TAS1R1: variants seen among roughly 807,000 people sequenced by gnomAD.
TAS1R1 encodes taste receptor type 1 member 1.
TAS1R1 carries 31 observed loss-of-function variants against 45.8 expected under a neutral mutation model. The ratio of observed to expected loss-of-function variants is 0.68; its 90% CI spans 0.51 to 0.91. TAS1R1 has a LOEUF of 0.91. Among genes scored for constraint, TAS1R1 ranks in the 40% least tolerant of loss-of-function variants. The pLI is 0.00. For missense variants in TAS1R1, 1,051 were observed against 1,063.9 expected (o/e 0.99, Z 0.17); for synonymous variants, 437 against 448.4 (o/e 0.97, Z 0.32).
At chr1:6,578,580 C>A in intron 5 of TAS1R1, 73 bp from the exon 6 acceptor site, 3 of 1,511,606 alleles carry the variant, frequency 2.0e-6, no homozygotes, top group Non-Finnish European at 2.7e-6. Flanking sequence ...CTCCCAGTAT[C>A]TTGCAGGCCC....
intron 1 of TAS1R1, among the ~76,000 whole-genome samples, chr1:6,565,301 T>C (rs1639855205): frequency 6.6e-6 from 1 of 151,500 alleles, no homozygotes; most frequent in Admixed American, 6.6e-5. Context: ...AAAGGGCACT[T>C]AGTGCTCGGG....
chr1:6,576,385 T>C (rs1363849426), intron 3 of TAS1R1, 30 bp from the exon 4 acceptor site: 2 of 1,611,392 alleles, frequency 1.2e-6, no homozygotes, highest in Non-Finnish European at 1.7e-6. Flanking sequence ...GTGCTGTCTG[T>C]GGTGGCTTCA....
chr1:6,574,446 G>A lies in TAS1R1; in HGVS notation c.499-185G>A, dbSNP rs1015496705. Among the ~76,000 whole-genome samples, 4 of 152,126 alleles carry A rather than the reference G, an allele frequency of 2.6e-5. No homozygotes were observed. Among genetic ancestry groups the A allele is most frequent in the African/African-American group, 7.2e-5 (3 of 41,392 alleles). ...GCATCCCCTCACCCCTTGTCCCCAG[G>A]CAGATTCCCACCCCTCCCCCAGAAC... On this transcript the variant is annotated intron_variant, in intron 2 of 5. Coordinates refer to ENST00000333172, the MANE Select transcript of TAS1R1 (RefSeq NM_138697.4). This position sits in a 1 kb window ranked among gnomAD's most constrained non-coding sequence, Gnocchi z 4.3.
At position 6,575,014 on chromosome 1, in the gene TAS1R1, C is replaced by A; in HGVS notation, c.882C>A (p.Gly294=). 1 of 1,588,902 alleles carries A rather than the reference C, an allele frequency of 6.3e-7. No individual in the cohort carries two copies. Among genetic ancestry groups the A allele is most frequent in the Non-Finnish European group, 8.6e-7 (1 of 1,165,790 alleles). The change falls in exon 3 of 6, where the codon GGC becomes GGA. Residue 294 remains glycine, a synonymous_variant. Coordinates refer to ENST00000333172, the MANE Select transcript of TAS1R1 (RefSeq NM_138697.4). ...FESVVLTNLT[G]KVWVASEAWA... The stretch of plus-strand genomic sequence containing the variant: ...CCGTGGTGCTGACCAACCTGACTGG[C>A]AAGGTGTGGGTCGCCTCAGAAGCCT...
chr1:6,569,642 G>C (rs1639958217), intron 1 of TAS1R1, among the ~76,000 whole-genome samples: 2 of 152,118 alleles, frequency 1.3e-5, no homozygotes, highest in Admixed American at 1.3e-4. Flanking sequence ...TGGAAGGAGA[G>C]ACTGCCGGTC....
At chr1:6,573,895 C>T (rs926265663) in intron 2 of TAS1R1, among the ~76,000 whole-genome samples, 4 of 152,058 alleles carry the variant, frequency 2.6e-5, no homozygotes, top group African/African-American at 9.7e-5. Context: ...AAACTCCTAA[C>T]CTCGTGATCC....
At chr1:6,559,998 C>CAAA (rs58759461) in intron 1 of TAS1R1, among the ~76,000 whole-genome samples, 1,861 of 97,830 alleles carry the variant, frequency 0.019, 64 homozygotes, top group African/African-American at 0.07. Context: ...AACTCTGTCT[C>CAAA]AAAAAAAAAA....
rs1036496475 is a variant in TAS1R1 at position 6,577,403 on chromosome 1, C to T, written c.1594+333C>T. Among the ~76,000 whole-genome samples, 12 of 150,812 alleles carry T rather than the reference C, an allele frequency of 8.0e-5. No individual in the cohort carries two copies. In the South Asian group the frequency reaches 8.4e-4, roughly 10 times the overall value. On this transcript the variant is annotated intron_variant, in intron 5 of 5. Transcript: ENST00000333172. ...ATAAAAAATTAGCTGGGTGTGGTGG[C>T]GCGTGCCTGTAATCCCAGCTACTCG...
Position 6,575,312 on chromosome 1 carries a change from T to A in TAS1R1, c.1180T>A (p.Tyr394Asn). 1 of 1,612,654 alleles carries A rather than the reference T, an allele frequency of 6.2e-7. No individual in the cohort carries two copies. The highest frequency in any genetic ancestry group is 8.5e-7 in the Non-Finnish European group (1 of 1,179,846). The change falls in exon 3 of 6, where the codon TAT becomes AAT. Residue 394 changes from tyrosine to asparagine, a missense_variant. By Grantham distance (143) the Tyr-to-Asn change is moderately radical (BLOSUM62 -2). Coordinates refer to ENST00000333172, the MANE Select transcript of TAS1R1 (RefSeq NM_138697.4). ...SSAYNAYRAV[Y>N]AVAHGLHQLL... ...TGCCTACAACGCATACCGGGCTGTG[T>A]ATGCGGTGGCCCATGGCCTCCACCA...
At chr1:6,564,129 A>G (rs1412814582) in intron 1 of TAS1R1, among the ~76,000 whole-genome samples, 1 of 152,174 alleles carries the variant, frequency 6.6e-6, no homozygotes, top group Non-Finnish European at 1.5e-5. Flanking sequence ...GACTAGTCGT[A>G]GGAGCCCTTT....
chr1:6,560,164 G>A (rs1639757266), intron 1 of TAS1R1, among the ~76,000 whole-genome samples: 1 of 152,144 alleles, frequency 6.6e-6, no homozygotes, highest in Non-Finnish European at 1.5e-5. Flanking sequence ...AGGCATGGTG[G>A]TGTATGCCTG....
intron 1 of TAS1R1, among the ~76,000 whole-genome samples, chr1:6,561,010 G>A (rs1282582296): frequency 6.6e-6 from 1 of 150,960 alleles, no homozygotes; most frequent in Non-Finnish European, 1.5e-5. Flanking sequence ...AAAAAAGAGG[G>A]GCGATGTTTA....
intron 1 of TAS1R1, among the ~76,000 whole-genome samples, chr1:6,566,814 C>A (rs1639880850): frequency 6.6e-6 from 1 of 152,196 alleles, no homozygotes; most frequent in South Asian, 2.1e-4. Flanking sequence ...CCAGGATGGT[C>A]TTGATCTCCT....
At chr1:6,578,512 A>G in intron 5 of TAS1R1, 141 bp from the exon 6 acceptor site, 1 of 1,426,814 alleles carries the variant, frequency 7.0e-7, no homozygotes, top group Non-Finnish European at 9.2e-7. Context: ...CTCAGGCCCC[A>G]CTCCCGGCTA....
At chr1:6,564,795 C>T (rs777230909) in intron 1 of TAS1R1, among the ~76,000 whole-genome samples, 5 of 152,130 alleles carry the variant, frequency 3.3e-5, no homozygotes, top group Non-Finnish European at 7.4e-5. Context: ...TGCTTCTACC[C>T]GCTCAGAGAA....
At chr1:6,556,268 G>A (rs1390213904) in intron 1 of TAS1R1, among the ~76,000 whole-genome samples, 1 of 152,184 alleles carries the variant, frequency 6.6e-6, no homozygotes, top group Non-Finnish European at 1.5e-5. Context: ...TCTTCATGGG[G>A]TGGGAAGGGA....
chr1:6,572,351 C>T (rs2148673405), intron 2 of TAS1R1, among the ~76,000 whole-genome samples: 1 of 150,550 alleles, frequency 6.6e-6, no homozygotes, highest in South Asian at 2.1e-4. Context: ...TCACTGTCTC[C>T]CAGGCTCAAG....
chr1:6,574,600 G>T lies in TAS1R1; in HGVS notation c.499-31G>T, dbSNP rs772950660. On this transcript the variant is annotated intron_variant, in intron 2 of 5. Coordinates refer to ENST00000333172, the MANE Select transcript of TAS1R1 (RefSeq NM_138697.4). This position sits in a 1 kb window ranked among gnomAD's most constrained non-coding sequence, Gnocchi z 4.3. ...AGGCACTGGGGGGGCCTTCAGTGGA[G>T]ACTGAAATGGCTGAACGGGACCTCC... 1 of 1,569,428 alleles carries T rather than the reference G, an allele frequency of 6.4e-7. No individual in the cohort carries two copies. Among genetic ancestry groups the T allele is most frequent in the Non-Finnish European group, 8.7e-7 (1 of 1,155,460 alleles).
rs1322831812 is a variant in TAS1R1, at chr1:6,578,643, T to C, written c.1595-10T>C. On this transcript the variant is annotated splice_polypyrimidine_tract_variant and intron_variant, in intron 5 of 5. Coordinates refer to ENST00000333172, the MANE Select transcript of TAS1R1 (RefSeq NM_138697.4). ...TGGCTCTCAGGAACCTTCTTGGCCT[T>C]CCCTTTCAGACCTCTACAGATGCCA... 6.5e-7 allele frequency: 1 copy of C among 1,540,582 alleles called. No individual in the cohort carries two copies. The highest frequency in any genetic ancestry group is 2.3e-5 in the East Asian group (1 of 44,170).
Sources: allele counts gnomAD v4.1 joint callset (sites outside exome capture counted in the v4.1 genomes callset), GRCh38; gene constraint gnomAD v4.1.1; non-coding constraint Gnocchi (gnomAD v3.1); transcripts MANE v1.5; gene names NCBI Gene and HGNC (gene_info 2026-07-23, HGNC 2026-07-21).